PDS5B: variants seen among roughly 807,000 people sequenced by gnomAD.
PDS5B encodes sister chromatid cohesion protein PDS5 homolog B.
In PDS5B, 51 loss-of-function variants were observed where a neutral mutation model predicts 184.1. That is an observed-to-expected ratio of 0.28 (90% CI 0.22 to 0.35). The LOEUF is 0.35. PDS5B is among the 10% of genes least tolerant of loss of function. The pLI, the probability that PDS5B is intolerant of heterozygous loss-of-function variation, is 1.00. For synonymous variants in PDS5B, 566 were observed against 569.2 expected, an observed-to-expected ratio of 0.99 and a Z score of 0.08; for missense variants, 1,180 against 1,723.3, an observed-to-expected ratio of 0.68 and a Z score of 5.58.
At chr13:32,746,938 AGACT>A (rs1268176655) in intron 24 of PDS5B, among the ~76,000 whole-genome samples, 1 of 152,248 alleles carries the variant, frequency 6.6e-6, no homozygotes, top group Non-Finnish European at 1.5e-5. Flanking sequence ...CAAATAAGGA[AGACT>A]GACTGTATGT....
chr13:32,637,199 TGTG>T (rs1270777470), intron 1 of PDS5B, among the ~76,000 whole-genome samples: 3 of 132,802 alleles, frequency 2.3e-5, no homozygotes, highest in Non-Finnish European at 4.7e-5. Flanking sequence ...AGATTTATGT[TGTG>T]GTGAAGTAAT....
At chr13:32,690,586 C>T (rs1382562372) in intron 13 of PDS5B, 1 of 151,844 alleles carries the variant, frequency 6.6e-6, no homozygotes, top group Admixed American at 6.6e-5. Flanking sequence ...AACTTTAATA[C>T]CAGAAACAAA....
At chr13:32,726,728 T>A (rs1952913713) in intron 19 of PDS5B, among the ~76,000 whole-genome samples, 2 of 152,180 alleles carry the variant, frequency 1.3e-5, no homozygotes, top group African/African-American at 4.8e-5. Flanking sequence ...CCTTTCCATT[T>A]TTAGTCTTCC....
At position 32,776,590 on chromosome 13, in the gene PDS5B, A is replaced by T. The variant is rs1199779929; in HGVS notation, c.*1538A>T. The T allele has an allele frequency of 6.6e-6, 1 of 152,122 alleles. No homozygotes were observed. The highest frequency in any genetic ancestry group is 1.5e-5 in the Non-Finnish European group (1 of 67,924). 9.4% of individuals were successfully genotyped at this position (152,122 alleles called of 1,614,324 possible). A position where few individuals can be genotyped will look rare whatever the true frequency, so the allele number is the denominator to read the frequency against. On this transcript the variant is annotated 3_prime_UTR_variant, in exon 35 of 35. Transcript: ENST00000315596. ...GTGCTGTTATGTTTTTTCATGGTTA[A>T]CACCAGAGGGGAAAAAATCATATTC...
intron 3 of PDS5B, among the ~76,000 whole-genome samples, chr13:32,655,527 C>G (rs923130872): frequency 1.3e-5 from 2 of 150,638 alleles, no homozygotes; most frequent in Non-Finnish European, 3.0e-5. Context: ...TACAGGTGCC[C>G]GTCACCACGC....
intron 17 of PDS5B, among the ~76,000 whole-genome samples, chr13:32,705,134 T>C (rs1446818679): frequency 6.6e-6 from 1 of 152,194 alleles, no homozygotes. Flanking sequence ...GGCCTTTTTT[T>C]GTAGTCCATC....
chr13:32,768,578 A>G (rs1379810029), intron 31 of PDS5B, among the ~76,000 whole-genome samples: 1 of 147,582 alleles, frequency 6.8e-6, no homozygotes, highest in Non-Finnish European at 1.5e-5. Context: ...GGATCACCTG[A>G]GTTTAGGAGT....
At position 32,770,526 on chromosome 13, in the gene PDS5B, A is replaced by G; in HGVS notation, c.4030A>G (p.Lys1344Glu). ...AAATACGGAACAGAAGTCCAAAAGC[A>G]AACAGCACCGAGTGTCAAGGAGAGC... is the stretch of plus-strand genomic sequence containing the variant. ...SGNTEQKSKS[K>E]QHRVSRRAQQ... The change falls in exon 32 of 35, where the codon AAA becomes GAA. Residue 1344 changes from lysine to glutamate, a missense_variant. Lys to Glu is a moderately conservative substitution (Grantham distance 56). Around this residue, in one of 11 missense-constraint regions of PDS5B, gnomAD observed 465 missense variants for 497.8 expected, o/e 0.93. Transcript: ENST00000315596. The G allele has an allele frequency of 6.2e-7, 1 of 1,609,666 alleles. No individual in the cohort carries two copies. The highest frequency in any genetic ancestry group is 1.3e-5 in the African/African-American group (1 of 74,456).
intron 1 of PDS5B, among the ~76,000 whole-genome samples, chr13:32,601,533 A>G (rs2057974619): frequency 6.6e-6 from 1 of 152,228 alleles, no homozygotes; most frequent in Non-Finnish European, 1.5e-5. Context: ...GCAACCTGAT[A>G]GACAGCAGTG....
chr13:32,697,633 T>G (rs547391037), intron 15 of PDS5B, among the ~76,000 whole-genome samples: 1 of 152,350 alleles, frequency 6.6e-6, no homozygotes, highest in South Asian at 2.1e-4. Flanking sequence ...AATGTTCTTC[T>G]GTCCTGGGAA....
At chr13:32,771,415 GAC>G (rs1221689116) in intron 33 of PDS5B, among the ~76,000 whole-genome samples, 1 of 152,108 alleles carries the variant, frequency 6.6e-6, no homozygotes, top group Non-Finnish European at 1.5e-5. Context: ...TTGCAGATCT[GAC>G]AGTGTTTTTT....
At chr13:32,593,754 G>A (rs7981943) in intron 1 of PDS5B, among the ~76,000 whole-genome samples, 2 of 152,052 alleles carry the variant, frequency 1.3e-5, no homozygotes, top group African/African-American at 4.8e-5. Context: ...CGTAAAGGTC[G>A]TCAGCCTTCT....
chr13:32,721,801 C>T (rs1259008515), intron 19 of PDS5B, among the ~76,000 whole-genome samples: 3 of 151,018 alleles, frequency 2.0e-5, no homozygotes, highest in Admixed American at 6.6e-5. Flanking sequence ...AGACAATGGG[C>T]AGCCAGGCAG....
intron 1 of PDS5B, among the ~76,000 whole-genome samples, chr13:32,606,992 T>C (rs1226992869): frequency 6.6e-6 from 1 of 152,236 alleles, no homozygotes; most frequent in Non-Finnish European, 1.5e-5. Flanking sequence ...TTTTAGCTTC[T>C]TTGCGATGGG....
At chr13:32,665,455 G>T (rs1158233646) in intron 6 of PDS5B, among the ~76,000 whole-genome samples, 1 of 151,466 alleles carries the variant, frequency 6.6e-6, no homozygotes, top group Non-Finnish European at 1.5e-5. Flanking sequence ...TGGGCGTGGT[G>T]GCGGGCGCCT....
intron 1 of PDS5B, among the ~76,000 whole-genome samples, chr13:32,642,742 C>T (rs1427828097): frequency 7.0e-6 from 1 of 142,046 alleles, no homozygotes; most frequent in Non-Finnish European, 1.5e-5. Context: ...CTGAAATTTG[C>T]TCTCTGAGAT....
Position 32,735,165 on chromosome 13 carries a change from T to C in PDS5B, c.2248-7T>C, listed in dbSNP as rs759428582. 2 of 1,534,368 alleles carry C rather than the reference T, an allele frequency of 1.3e-6. No homozygotes were observed. The highest frequency in any genetic ancestry group is 2.4e-5 in the East Asian group (1 of 42,418). On this transcript the variant is annotated splice_region_variant and splice_polypyrimidine_tract_variant and intron_variant, in intron 20 of 34. Coordinates refer to ENST00000315596, the MANE Select transcript of PDS5B (RefSeq NM_015032.4). ...GTTGAAATATATTTTCCTCCCCTCA[T>C]TTTCAGCCTCTGCATAAGAGCCTAG...
intron 6 of PDS5B, among the ~76,000 whole-genome samples, chr13:32,663,447 A>G (rs1275695150): frequency 6.6e-6 from 1 of 152,064 alleles, no homozygotes; most frequent in Admixed American, 6.5e-5. Flanking sequence ...ATGGATTAAC[A>G]TTATGTTAGT....
intron 1 of PDS5B, among the ~76,000 whole-genome samples, chr13:32,597,264 A>G (rs984647810): frequency 2.0e-4 from 29 of 148,612 alleles, no homozygotes; most frequent in Non-Finnish European, 2.8e-4. Flanking sequence ...GCTGGTGTTG[A>G]ACTCCTAGGC....
Sources: gnomAD v4.1 joint callset for allele counts (sites outside exome capture counted in the v4.1 genomes callset) on GRCh38, gnomAD v4.1.1 for gene constraint, gnomAD v4.1.1 regional missense constraint, MANE v1.5 for transcripts, NCBI Gene and HGNC (gene_info 2026-07-23, HGNC 2026-07-21) for gene names.